TLR3: variants seen among roughly 807,000 people sequenced by gnomAD.
TLR3 encodes the protein toll-like receptor 3.
A neutral mutation model predicts 66.4 loss-of-function variants in TLR3; 43 were observed. The ratio of observed to expected loss-of-function variants is 0.65; its 90% CI spans 0.51 to 0.83. The LOEUF (loss-of-function observed/expected upper bound fraction) is 0.83, where lower values mean the gene tolerates loss of function less well. TLR3 is among the 40% of genes least tolerant of loss of function. The probability of loss-of-function intolerance (pLI) is 0.00; values close to 1 mark genes in which losing one functional copy is unlikely to be tolerated. For synonymous variants in TLR3, 397 were observed against 397.2 expected (o/e 1.00, Z 0.01); for missense variants, 982 against 1,044.6 (o/e 0.94, Z 0.83).
Position 186,082,783 on chromosome 4 carries a change from A to ATAT in TLR3, c.1099_1101dup (p.Ile367dup). The ATAT allele has an allele frequency of 1.2e-6, 2 of 1,614,180 alleles. No homozygotes were observed. Among genetic ancestry groups the ATAT allele is most frequent in the Non-Finnish European group, 1.7e-6 (2 of 1,180,020 alleles). ...GAGCACCTTAACATGGAAGATAATG[A>ATAT]TATTCCAGGCATAAAAAGCAATATG... On this transcript the variant is annotated inframe_insertion, in exon 4 of 5. Transcript: ENST00000296795.
chr4:186,076,880 C>T lies in TLR3; in HGVS notation c.261C>T (p.Ile87=), dbSNP rs1446734101. Residue 87 remains isoleucine (I), a synonymous_variant, in exon 2 of 5, where the codon ATC becomes ATT. Coordinates refer to ENST00000296795, the MANE Select transcript of TLR3 (RefSeq NM_003265.3). ...GCTTGGATGTAGGATTTAACACCAT[C>T]TCAAAACTGGAGCCAGAATTGTGCC... ...LTSLDVGFNT[I]SKLEPELCQK... The T allele has an allele frequency of 2.5e-6, 4 of 1,614,172 alleles. No individual in the cohort carries two copies. The East Asian group carries it at 8.9e-5, about 36-fold the overall frequency.
At position 186,086,751 on chromosome 4, in the gene TLR3, A is replaced by C. The variant is rs1458103754; in HGVS notation, c.*1878A>C. The stretch of plus-strand genomic sequence containing the variant: ...CAAGTTGCTTAATATGTCATATATC[A>C]ATGCTATTTAATATATAATATCTAT... On this transcript the variant is annotated 3_prime_UTR_variant, in exon 5 of 5. Transcript: ENST00000296795. The C allele has an allele frequency of 2.6e-5, 4 of 151,900 alleles. No homozygotes were observed. Among genetic ancestry groups the C allele is most frequent in the Non-Finnish European group, 2.9e-5 (2 of 67,990 alleles). 9.4% of individuals were successfully genotyped at this position (151,900 alleles called of 1,614,324 possible). A position where few individuals can be genotyped will look rare whatever the true frequency, so the allele number is the denominator to read the frequency against.
At position 186,080,187 on chromosome 4, in the gene TLR3, A is replaced by AT. The variant is rs34694005; in HGVS notation, c.633+1166dup. Among the ~76,000 whole-genome samples, 378 of 147,222 alleles carry AT rather than the reference A, an allele frequency of 2.6e-3. 4 individuals are homozygous for AT. Among genetic ancestry groups the AT allele is most frequent in the African/African-American group, 8.5e-3 (343 of 40,262 alleles). The stretch of plus-strand genomic sequence containing the variant: ...ACTGGAAATCCTTAATTACAACTCT[A>AT]TTTTTTTTTTCAGACATAAAAATAA... On this transcript the variant is annotated intron_variant, in intron 3 of 4. Coordinates refer to ENST00000296795, the MANE Select transcript of TLR3 (RefSeq NM_003265.3).
In TLR3 at chr4:186,082,876, C is replaced by T. The variant is rs1164758877; in HGVS notation, c.1190C>T (p.Thr397Ile). 1 of 1,613,470 alleles carries T rather than the reference C, an allele frequency of 6.2e-7. No homozygotes were observed. Among genetic ancestry groups the T allele is most frequent in the Admixed American group, 1.7e-5 (1 of 59,944 alleles). The change falls in exon 4 of 5, where the codon ACA becomes ATA. Residue 397 changes from threonine (T) to isoleucine (I), a missense_variant. Transcript: ENST00000296795. ...TCCTTTACAAGTTTGCGAACTTTGA[C>T]AAATGAAACATTTGTATCACTTGCT... ...SNSFTSLRTLTNETFVSLAHS... is the reference protein window; with the variant it reads ...SNSFTSLRTLINETFVSLAHS...
intron 1 of TLR3, among the ~76,000 whole-genome samples, chr4:186,071,472 G>T (rs2150065181): frequency 6.6e-6 from 1 of 152,356 alleles, no homozygotes; most frequent in South Asian, 2.1e-4. Context: ...AGAGGGGGCA[G>T]GTGGGGAGCT....
chr4:186,073,706 C>T (rs1359537548), intron 1 of TLR3, among the ~76,000 whole-genome samples: 1 of 151,846 alleles, frequency 6.6e-6, no homozygotes, highest in African/African-American at 2.4e-5. Flanking sequence ...TTAGAGGAGA[C>T]ACAGAAATGA....
intron 2 of TLR3, among the ~76,000 whole-genome samples, chr4:186,077,433 A>G (rs1480643926): frequency 6.6e-6 from 1 of 152,328 alleles, no homozygotes; most frequent in African/African-American, 2.4e-5. Context: ...ACTTAAATAA[A>G]ATTAACAAAT....
At chr4:186,071,677 C>A (rs1237232649) in intron 1 of TLR3, among the ~76,000 whole-genome samples, 1 of 125,576 alleles carries the variant, frequency 8.0e-6, no homozygotes, top group Non-Finnish European at 1.9e-5. Flanking sequence ...TTATGGAAGC[C>A]AGTTTTTTTT....
chr4:186,082,974 T>C lies in TLR3; in HGVS notation c.1288T>C (p.Leu430=). The change falls in exon 4 of 5, where the codon TTG becomes CTG. Residue 430 remains leucine, a synonymous_variant. Transcript: ENST00000296795. Reference sequence around the variant, plus strand: ...AATAGAGAGTGATGCTTTCTCTTGGTTGGGCCACCTAGAAGTACTTGACCT... The same window carrying C: ...AATAGAGAGTGATGCTTTCTCTTGGCTGGGCCACCTAGAAGTACTTGACCT... ...SKIESDAFSW[L]GHLEVLDLGL... is the part of the protein sequence containing the mutation. 10 of 1,614,184 alleles carry C rather than the reference T, an allele frequency of 6.2e-6. No individual in the cohort carries two copies. The highest frequency in any genetic ancestry group is 7.6e-6 in the Non-Finnish European group (9 of 1,180,042).
At position 186,083,403 on chromosome 4, in the gene TLR3, G is replaced by A. The variant is rs764584083; in HGVS notation, c.1717G>A (p.Gly573Ser). ...HLHILNLESN[G>S]FDEIPVEVFK... ...CCACATCCTTAACTTGGAGTCCAAC[G>A]GCTTTGACGAGATCCCAGTTGAGGT... Residue 573 changes from glycine to serine, a missense_variant, in exon 4 of 5, where the codon GGC (glycine) becomes AGC (serine). Coordinates refer to ENST00000296795, the MANE Select transcript of TLR3 (RefSeq NM_003265.3). The surrounding 1 kb of genome is among the most constrained non-coding windows in gnomAD (Gnocchi z 4.0). 8.1e-6 allele frequency: 13 copies of A among 1,613,942 alleles called. No homozygotes were observed. Among genetic ancestry groups the A allele is most frequent in the South Asian group, 7.7e-5 (7 of 91,072 alleles).
chr4:186,081,033 A>AT (rs1301914826), intron 3 of TLR3, among the ~76,000 whole-genome samples: 6 of 152,218 alleles, frequency 3.9e-5, no homozygotes, highest in African/African-American at 1.2e-4. Context: ...ATTAAGTATG[A>AT]TAAATCTGCA....
At position 186,076,617 on chromosome 4, in the gene TLR3, A is replaced by G; in HGVS notation, c.-3A>G. ...TTTAATGTTTCTTTTCTACAGCAGA[A>G]TCATGAGACAGACTTTGCCTTGTAT... On this transcript the variant is annotated 5_prime_UTR_variant, in exon 2 of 5. Transcript: ENST00000296795. The G allele has an allele frequency of 3.1e-6, 5 of 1,614,176 alleles. No homozygotes were observed. Among genetic ancestry groups the G allele is most frequent in the Non-Finnish European group, 4.2e-6 (5 of 1,180,006 alleles).
rs927249247 is a variant in TLR3 at position 186,083,979 on chromosome 4, A to G, written c.2293A>G (p.Lys765Glu). 6.2e-7 allele frequency: 1 copy of G among 1,614,146 alleles called. No individual in the cohort carries two copies. Among genetic ancestry groups the G allele is most frequent in the Non-Finnish European group, 8.5e-7 (1 of 1,180,024 alleles). Residue 765 changes from lysine (K) to glutamate (E), a missense_variant, in exon 4 of 5, where the codon AAA (lysine) becomes GAA (glutamate). Physicochemically the swap from Lys to Glu is moderately conservative, Grantham distance 56. This residue lies in a region of TLR3 where 666 missense variants were observed against 709.0 expected (regional missense o/e 0.94). Transcript: ENST00000296795. The surrounding 1 kb of genome is among the most constrained non-coding windows in gnomAD (Gnocchi z 4.0). ...EYAAYIIHAY[K>E]DKDWVWEHFS... ...TGCAGCATATATAATTCATGCCTATAAAGATAAGGATTGGGTCTGGGAACA... is the reference window on the plus strand; with the variant it reads ...TGCAGCATATATAATTCATGCCTATGAAGATAAGGATTGGGTCTGGGAACA...
chr4:186,087,468 GC>G lies in TLR3; in HGVS notation c.*2598del, dbSNP rs879468999. 3 of 152,186 alleles carry G rather than the reference GC, an allele frequency of 2.0e-5. No individual in the cohort carries two copies. Among genetic ancestry groups the G allele is most frequent in the African/African-American group, 4.8e-5 (2 of 41,438 alleles). The allele number at this position is 152,186 out of a possible 1,614,324, so 9.4% of individuals were successfully genotyped here. A position where few individuals can be genotyped will look rare whatever the true frequency, so the allele number is the denominator to read the frequency against. On this transcript the variant is annotated 3_prime_UTR_variant, in exon 5 of 5. Coordinates refer to ENST00000296795, the MANE Select transcript of TLR3 (RefSeq NM_003265.3). The stretch of plus-strand genomic sequence containing the variant: ...GTTTGTCTGAGCTCTTGTTTGATTT[GC>G]CCAAGTGACTTGACTTGTTTGAATC...
chr4:186,075,441 G>A (rs1354800934), intron 1 of TLR3, among the ~76,000 whole-genome samples: 2 of 152,088 alleles, frequency 1.3e-5, no homozygotes, highest in Non-Finnish European at 2.9e-5. Context: ...GGGCAACATA[G>A]CAAGACCCTA....
At chr4:186,081,175 A>C (rs910274310) in intron 3 of TLR3, among the ~76,000 whole-genome samples, 1 of 151,962 alleles carries the variant, frequency 6.6e-6, no homozygotes, top group African/African-American at 2.4e-5. Context: ...AGGCTGAGGC[A>C]AGAGAATCGC....
Position 186,083,302 on chromosome 4 carries a change from A to G in TLR3, c.1616A>G (p.His539Arg), listed in dbSNP as rs776387492. ...LEKLEILDLQ[H>R]NNLARLWKHA... ...AAACTAGAAATTCTCGATTTGCAGC[A>G]TAACAACTTAGCACGGCTCTGGAAA... Residue 539 changes from histidine (H) to arginine (R), a missense_variant, in exon 4 of 5, where the codon CAT becomes CGT. His to Arg is a conservative substitution (Grantham distance 29, BLOSUM62 0). This residue lies in a region of TLR3 where 666 missense variants were observed against 709.0 expected (regional missense o/e 0.94). Coordinates refer to ENST00000296795, the MANE Select transcript of TLR3 (RefSeq NM_003265.3). This position sits in a 1 kb window ranked among gnomAD's most constrained non-coding sequence, Gnocchi z 4.0. 2.5e-6 allele frequency: 4 copies of G among 1,614,180 alleles called. No homozygotes were observed. The highest frequency in any genetic ancestry group is 2.2e-5 in the East Asian group (1 of 44,884).
chr4:186,078,726 A>T (rs1180023240), intron 2 of TLR3, 114 bp from the exon 3 acceptor site: 1 of 813,266 alleles, frequency 1.2e-6, no homozygotes, highest in East Asian at 2.7e-5. Flanking sequence ...ATTCTACAGA[A>T]TAATAGAGAG....
Position 186,084,752 on chromosome 4 carries a change from G to T in TLR3, c.2594G>T (p.Cys865Phe). Residue 865 changes from cysteine to phenylalanine, a missense_variant, in exon 5 of 5, where the codon TGT (cysteine) becomes TTT (phenylalanine). Physicochemically the swap from Cys to Phe is radical, Grantham distance 205. Coordinates refer to ENST00000296795, the MANE Select transcript of TLR3 (RefSeq NM_003265.3). ...GATTATAAACTGAACCATGCACTCT[G>T]TTTGCGAAGAGGAATGTTTAAATCT... is the stretch of plus-strand genomic sequence containing the variant. Reference protein sequence around the residue: ...IPDYKLNHALCLRRGMFKSHC... With the variant: ...IPDYKLNHALFLRRGMFKSHC... The T allele has an allele frequency of 6.2e-7, 1 of 1,614,052 alleles. No individual in the cohort carries two copies. Among genetic ancestry groups the T allele is most frequent in the South Asian group, 1.1e-5 (1 of 91,078 alleles).
Sources: allele counts gnomAD v4.1 joint callset (sites outside exome capture counted in the v4.1 genomes callset), GRCh38; gene constraint gnomAD v4.1.1; regional missense constraint gnomAD v4.1.1; non-coding constraint Gnocchi (gnomAD v3.1); transcripts MANE v1.5; gene names NCBI Gene and HGNC (gene_info 2026-07-23, HGNC 2026-07-21).